DLGAP3: variants seen among roughly 807,000 people sequenced by gnomAD.
The protein encoded by DLGAP3 is DLG associated protein 3.
DLGAP3 carries 17 observed loss-of-function variants against 81.2 expected under a neutral mutation model. That is an observed-to-expected ratio of 0.21 (90% confidence interval 0.14 to 0.31). The LOEUF is 0.31. Ranked by LOEUF, DLGAP3 falls within the 10% of genes least tolerant of loss-of-function variation. DLGAP3 has a pLI of 1.00. For missense variants in DLGAP3, 1,124 were observed against 1,388.0 expected (o/e 0.81, Z 3.02); for synonymous variants, 577 against 587.4 (o/e 0.98, Z 0.26).
intron 1 of DLGAP3, among the ~76,000 whole-genome samples, chr1:34,916,442 C>T (rs765064339): frequency 1.3e-5 from 2 of 152,266 alleles, no homozygotes; most frequent in South Asian, 2.1e-4. Flanking sequence ...CAGTGTTAAG[C>T]GCTTTAGATG....
chr1:34,927,392 C>T (rs1354694427), intron 1 of DLGAP3, among the ~76,000 whole-genome samples: 1 of 152,086 alleles, frequency 6.6e-6, no homozygotes, highest in Non-Finnish European at 1.5e-5. Flanking sequence ...TCAGAGTCCC[C>T]GGTTTGTAAT....
intron 1 of DLGAP3, among the ~76,000 whole-genome samples, chr1:34,928,884 C>T (rs1639912721): frequency 6.6e-6 from 1 of 151,776 alleles, no homozygotes; most frequent in Non-Finnish European, 1.5e-5. Context: ...TCCACAGATG[C>T]ATACACAGTA....
At position 34,904,461 on chromosome 1, in the gene DLGAP3, G is replaced by A. The variant is rs147968723; in HGVS notation, c.923C>T (p.Ser308Leu). The change falls in exon 3 of 12, where the codon TCG becomes TTG. Residue 308 changes from serine to leucine, a missense_variant. Physicochemically the swap from Ser to Leu is moderately radical, Grantham distance 145. This residue lies in a region of DLGAP3 where 357 missense variants were observed against 408.8 expected (regional missense o/e 0.87). Coordinates refer to ENST00000373347, the MANE Select transcript of DLGAP3 (RefSeq NM_001080418.3). This position sits in a 1 kb window ranked among gnomAD's most constrained non-coding sequence, Gnocchi z 8.1. ...AGTGCAGGCAAGGCAGCGGCCTTCC[G>A]ACCCGCCCGAGCGCCCCTTGAAGCT... ...DLSFKGRSGG[S>L]EGRCLACTGM... is the part of the protein sequence containing the mutation. 54 of 1,613,984 alleles carry A rather than the reference G, an allele frequency of 3.3e-5. No individual in the cohort carries two copies. The highest frequency in any genetic ancestry group is 1.1e-4 in the East Asian group (5 of 44,886).
At position 34,865,830 on chromosome 1, in the gene DLGAP3, G is replaced by C; in HGVS notation, c.*253C>G. The C allele has an allele frequency of 1.7e-6, 1 of 595,770 alleles. No homozygotes were observed. The highest frequency in any genetic ancestry group is 3.0e-6 in the Non-Finnish European group (1 of 335,470). The allele number at this position is 595,770 out of a possible 1,614,324, so 36.9% of individuals were successfully genotyped here. A position where few individuals can be genotyped will look rare whatever the true frequency, so the allele number is the denominator to read the frequency against. On this transcript the variant is annotated 3_prime_UTR_variant, in exon 12 of 12. Coordinates refer to ENST00000373347, the MANE Select transcript of DLGAP3 (RefSeq NM_001080418.3). ...GGGGAGGAGGTGGGGACAAAGCGTC[G>C]GACCAGGTGGGCAGGGGATCCAGGT...
chr1:34,894,258 A>T (rs1334694853), intron 5 of DLGAP3, among the ~76,000 whole-genome samples: 1 of 133,626 alleles, frequency 7.5e-6, no homozygotes, highest in African/African-American at 2.7e-5. Flanking sequence ...TAGTGATAAG[A>T]TAAAGCAAAA....
At chr1:34,909,182 C>A (rs756286875) in intron 1 of DLGAP3, among the ~76,000 whole-genome samples, 1 of 152,258 alleles carries the variant, frequency 6.6e-6, no homozygotes, top group Admixed American at 6.5e-5. Context: ...CTGTCTCCTG[C>A]TTCACACAGG....
intron 8 of DLGAP3, among the ~76,000 whole-genome samples, chr1:34,881,902 G>T (rs924862261): frequency 5.9e-5 from 9 of 152,138 alleles, no homozygotes; most frequent in African/African-American, 2.2e-4. Context: ...TCCTTAACCT[G>T]ACAAATGGTA....
chr1:34,899,713 G>A lies in DLGAP3; in HGVS notation c.1342C>T (p.Arg448Trp), dbSNP rs867566767. 6 of 1,613,980 alleles carry A rather than the reference G, an allele frequency of 3.7e-6. No homozygotes were observed. Among genetic ancestry groups the A allele is most frequent in the South Asian group, 1.1e-5 (1 of 91,078 alleles). The change falls in exon 5 of 12, where the codon CGG becomes TGG. Residue 448 changes from arginine (R) to tryptophan (W), a missense_variant. Arg to Trp is a moderately radical substitution (Grantham distance 101). This residue lies in a region of DLGAP3 where 357 missense variants were observed against 408.8 expected (regional missense o/e 0.87). Coordinates refer to ENST00000373347, the MANE Select transcript of DLGAP3 (RefSeq NM_001080418.3). Reference sequence around the variant, plus strand: ...CGGCTGTAGCCAGGGATGGAGCTCCGGGGGTGGATCCGGGGTGGGACACAG... The same window carrying A: ...CGGCTGTAGCCAGGGATGGAGCTCCAGGGGTGGATCCGGGGTGGGACACAG... ...NCCVPPRIHPRSSIPGYSRSL... is the reference protein window; with the variant it reads ...NCCVPPRIHPWSSIPGYSRSL...
At chr1:34,884,244 T>C (rs1195312646) in intron 8 of DLGAP3, among the ~76,000 whole-genome samples, 5 of 151,898 alleles carry the variant, frequency 3.3e-5, no homozygotes, top group African/African-American at 1.2e-4. Flanking sequence ...ATTCCTCCAG[T>C]CGTATGGCCT....
At chr1:34,923,775 G>A (rs902952665) in intron 1 of DLGAP3, among the ~76,000 whole-genome samples, 4 of 152,056 alleles carry the variant, frequency 2.6e-5, no homozygotes, top group African/African-American at 9.7e-5. Flanking sequence ...GAATCATCTT[G>A]ATGAGTTACA....
At chr1:34,899,434 C>T (rs982381999) in intron 5 of DLGAP3, among the ~76,000 whole-genome samples, 7 of 152,196 alleles carry the variant, frequency 4.6e-5, no homozygotes, top group South Asian at 2.1e-4. Flanking sequence ...AGGGCACTGG[C>T]GTTGCCCTTA....
At chr1:34,886,003 G>A in intron 6 of DLGAP3, 69 bp downstream of exon 6, 2 of 1,455,856 alleles carry the variant, frequency 1.4e-6, no homozygotes, top group African/African-American at 1.4e-5. Flanking sequence ...AGTCGAGGGG[G>A]AGGCCAGAAC....
At chr1:34,886,942 T>C (rs1413824032) in intron 5 of DLGAP3, among the ~76,000 whole-genome samples, 1 of 133,428 alleles carries the variant, frequency 7.5e-6, no homozygotes, top group Non-Finnish European at 1.6e-5. Flanking sequence ...TCCCCCACCT[T>C]CTTTTTTTTT....
chr1:34,872,063 C>A (rs1037668276), intron 8 of DLGAP3, among the ~76,000 whole-genome samples: 1 of 152,170 alleles, frequency 6.6e-6, no homozygotes, highest in Non-Finnish European at 1.5e-5. Flanking sequence ...AAAAGAACAA[C>A]GGATCCAAGA....
At position 34,916,671 on chromosome 1, in the gene DLGAP3, ATTTTATTTTATTT is replaced by A. The variant is rs1639721224; in HGVS notation, c.-134-9247_-134-9235del. Among the ~76,000 whole-genome samples the A allele has an allele frequency of 3.5e-5, 4 of 115,838 alleles. No individual in the cohort carries two copies. In the East Asian group the frequency reaches 1.3e-3, roughly 38 times the overall value. The allele number at this position is 115,838 out of a possible 152,430, so 76.0% of individuals were successfully genotyped here. On this transcript the variant is annotated intron_variant, in intron 1 of 11. Transcript: ENST00000373347. ...TTTTTATTTTATTTTATTTTATTTT[ATTTTATTTTATTT>A]TATTTTATTTTATTTTATTTTATTT...
chr1:34,898,658 A>G (rs1483906368), intron 5 of DLGAP3, among the ~76,000 whole-genome samples: 1 of 152,230 alleles, frequency 6.6e-6, no homozygotes, highest in Non-Finnish European at 1.5e-5. Flanking sequence ...GAACACTATT[A>G]TGATGCCTAT....
At chr1:34,894,804 A>T (rs1039428029) in intron 5 of DLGAP3, among the ~76,000 whole-genome samples, 2 of 152,224 alleles carry the variant, frequency 1.3e-5, no homozygotes, top group African/African-American at 2.4e-5. Flanking sequence ...GAGTACATAC[A>T]ATCAAGAGCT....
At position 34,895,917 on chromosome 1, in the gene DLGAP3, T is replaced by TAC. The variant is rs34456104; in HGVS notation, c.1386+3750_1386+3751dup. ...CTGGACCCCTAACTTGAATCACACA[T>TAC]ACACACACACACACACACACACACA... On this transcript the variant is annotated intron_variant, in intron 5 of 11. Transcript: ENST00000373347. The surrounding 1 kb of genome is among the most constrained non-coding windows in gnomAD (Gnocchi z 4.5). Among the ~76,000 whole-genome samples the TAC allele has an allele frequency of 0.093, 13,499 of 144,416 alleles. 831 individuals carry two copies. The highest frequency in any genetic ancestry group is 0.19 in the African/African-American group (7,406 of 38,196). 94.7% of individuals were successfully genotyped at this position (144,416 alleles called of 152,430 possible).
At chr1:34,896,401 A>G (rs1279570367) in intron 5 of DLGAP3, among the ~76,000 whole-genome samples, 1 of 152,192 alleles carries the variant, frequency 6.6e-6, no homozygotes, top group Non-Finnish European at 1.5e-5. Flanking sequence ...AGCCTGGCCA[A>G]CATAGTGAAA....
Sources: gnomAD v4.1 joint callset for allele counts (sites outside exome capture counted in the v4.1 genomes callset) on GRCh38, gnomAD v4.1.1 for gene constraint, gnomAD v4.1.1 regional missense constraint, Gnocchi (gnomAD v3.1) non-coding constraint, MANE v1.5 for transcripts, NCBI Gene and HGNC (gene_info 2026-07-23, HGNC 2026-07-21) for gene names.